The following SH3BGRL variants were observed in gnomAD, a reference collection of about 807,000 sequenced individuals.
SH3BGRL encodes adapter SH3BGRL.
In SH3BGRL, 7 loss-of-function variants were observed where a neutral mutation model predicts 9.8. The ratio of observed to expected loss-of-function variants is 0.72; its 90% confidence interval spans 0.41 to 1.35. SH3BGRL has a LOEUF of 1.35. Among genes scored for constraint, SH3BGRL ranks in the 40% most tolerant of loss-of-function variants. SH3BGRL has a pLI of 0.01. For missense variants in SH3BGRL, 73 were observed against 84.4 expected, an observed-to-expected ratio of 0.86 and a Z score of 0.53; for synonymous variants, 36 against 29.1, an observed-to-expected ratio of 1.24 and a Z score of -0.76.
intron 3 of SH3BGRL, among the ~76,000 whole-genome samples, chrX:81,283,796 A>G (rs944763449): frequency 9.0e-6 from 1 of 111,240 alleles, no homozygotes; most frequent in Non-Finnish European, 1.9e-5. Context: ...ACTCTTCAAC[A>G]TGGTACTGGA....
At chrX:81,205,932 G>T (rs1376430312) in intron 1 of SH3BGRL, among the ~76,000 whole-genome samples, 1 of 111,213 alleles carries the variant, frequency 9.0e-6, no homozygotes, top group Non-Finnish European at 1.9e-5. Context: ...TCTCATTATA[G>T]TTTTGATTTG....
intron 1 of SH3BGRL, among the ~76,000 whole-genome samples, chrX:81,256,356 G>C (rs750364487): frequency 8.9e-6 from 1 of 111,996 alleles, no homozygotes; most frequent in Non-Finnish European, 1.9e-5. Context: ...TAGCGCTCCA[G>C]AAATATATTG....
chrX:81,261,104 A>C (rs780521681), intron 1 of SH3BGRL, among the ~76,000 whole-genome samples: 11 of 111,592 alleles, frequency 9.9e-5, no homozygotes, highest in Non-Finnish European at 1.7e-4. Flanking sequence ...TTAAGAAAAA[A>C]GCCATATAAA....
chrX:81,202,355 C>A (rs777663621), intron 1 of SH3BGRL, 110 bp downstream of exon 1: 67 of 986,459 alleles, frequency 6.8e-5, no homozygotes, highest in Non-Finnish European at 8.4e-5. Flanking sequence ...CTTTGGAAGA[C>A]TCATGCATCC....
At chrX:81,233,392 T>A (rs1259335935) in intron 1 of SH3BGRL, among the ~76,000 whole-genome samples, 1 of 111,593 alleles carries the variant, frequency 9.0e-6, no homozygotes, top group Admixed American at 9.5e-5. Flanking sequence ...GGACCACAGA[T>A]TAGAAACCAC....
chrX:81,222,622 G>A (rs1207624987), intron 1 of SH3BGRL, among the ~76,000 whole-genome samples: 5 of 110,475 alleles, frequency 4.5e-5, no homozygotes, highest in Non-Finnish European at 9.5e-5. Context: ...GAATAGTGCC[G>A]CAATAAATAT....
At chrX:81,216,933 AT>A (rs2075582933) in intron 1 of SH3BGRL, among the ~76,000 whole-genome samples, 1 of 109,869 alleles carries the variant, frequency 9.1e-6, no homozygotes, top group Non-Finnish European at 1.9e-5. Context: ...TGATATATCC[AT>A]TTTCTTTTGG....
chrX:81,235,231 C>T (rs904265576), intron 1 of SH3BGRL, among the ~76,000 whole-genome samples: 2 of 109,884 alleles, frequency 1.8e-5, no homozygotes, highest in Non-Finnish European at 3.8e-5. Flanking sequence ...GCAAAGAAAA[C>T]ATGCTTATGA....
intron 1 of SH3BGRL, among the ~76,000 whole-genome samples, chrX:81,204,743 A>G (rs2075540664): frequency 1.8e-5 from 2 of 111,869 alleles, no homozygotes; most frequent in Middle Eastern, 4.6e-3. Flanking sequence ...AATGGCGTGA[A>G]CCCAAGAGGC....
chrX:81,231,798 G>T (rs1569360256), intron 1 of SH3BGRL, among the ~76,000 whole-genome samples: 1 of 112,348 alleles, frequency 8.9e-6, no homozygotes, highest in African/African-American at 3.2e-5. Flanking sequence ...AAAAGTGGCA[G>T]CTTTGGGTCC....
chrX:81,254,891 G>GTTT (rs762259496), intron 1 of SH3BGRL, among the ~76,000 whole-genome samples: 5 of 96,436 alleles, frequency 5.2e-5, no homozygotes, highest in African/African-American at 7.6e-5. Context: ...TCTTTCTTAA[G>GTTT]TTTTTTTTTT....
chrX:81,241,465 C>T (rs1439531571), intron 1 of SH3BGRL, among the ~76,000 whole-genome samples: 1 of 111,757 alleles, frequency 8.9e-6, no homozygotes, highest in Non-Finnish European at 1.9e-5. Context: ...TTTTCTTGGC[C>T]CACCCATGGC....
chrX:81,286,013 T>G (rs1358658995), intron 3 of SH3BGRL, among the ~76,000 whole-genome samples: 1 of 111,704 alleles, frequency 9.0e-6, no homozygotes, highest in African/African-American at 3.3e-5. Context: ...GTGTCAAATA[T>G]TTCCATAAGG....
chrX:81,228,047 G>T (rs1207962662), intron 1 of SH3BGRL, among the ~76,000 whole-genome samples: 1 of 112,094 alleles, frequency 8.9e-6, no homozygotes, highest in Admixed American at 9.5e-5. Context: ...TGGTTCATAT[G>T]AATGGGTTTA....
At chrX:81,208,199 T>G (rs1428288499) in intron 1 of SH3BGRL, among the ~76,000 whole-genome samples, 1 of 110,588 alleles carries the variant, frequency 9.0e-6, no homozygotes, top group Non-Finnish European at 1.9e-5. Context: ...AAGGCAGAGG[T>G]TGCAGTGAGC....
chrX:81,263,663 TTAC>T (rs1236149759), intron 1 of SH3BGRL, among the ~76,000 whole-genome samples: 2 of 111,102 alleles, frequency 1.8e-5, no homozygotes, highest in African/African-American at 6.7e-5. Flanking sequence ...CCCTTTATTG[TTAC>T]TGACTCAAAG....
chrX:81,220,402 G>T (rs2075596598), intron 1 of SH3BGRL, among the ~76,000 whole-genome samples: 1 of 111,003 alleles, frequency 9.0e-6, no homozygotes, highest in South Asian at 3.8e-4. Context: ...CAATTAATTG[G>T]CATATAGTTG....
rs982953926 is a variant in SH3BGRL, at chrX:81,256,072, C to T, written c.46-20912C>T. ...GATTATGTCAATAACTTCCTTACTCCTCATTATTTCACAATGTTTTTGGTT... is the reference window on the plus strand; with the variant it reads ...GATTATGTCAATAACTTCCTTACTCTTCATTATTTCACAATGTTTTTGGTT... On this transcript the variant is annotated intron_variant, in intron 1 of 3. Transcript: ENST00000373212. 2.7e-5 allele frequency among the ~76,000 whole-genome samples: 3 copies of T among 111,868 alleles called. No homozygotes were observed. In the Admixed American group the frequency reaches 2.8e-4, roughly 11 times the overall value.
chrX:81,267,812 C>T (rs904872393), intron 1 of SH3BGRL, among the ~76,000 whole-genome samples: 4 of 111,317 alleles, frequency 3.6e-5, no homozygotes, highest in East Asian at 2.8e-4. Context: ...CTTTGTACCT[C>T]GAGTAGAATT....
Sources: gnomAD v4.1 joint callset for allele counts (sites outside exome capture counted in the v4.1 genomes callset) on GRCh38, gnomAD v4.1.1 for gene constraint, MANE v1.5 for transcripts, NCBI Gene and HGNC (gene_info 2026-07-23, HGNC 2026-07-21) for gene names.